PLCB1: variants seen among roughly 807,000 people sequenced by gnomAD.
The protein encoded by PLCB1 is 1-phosphatidylinositol 4,5-bisphosphate phosphodiesterase beta-1.
A neutral mutation model predicts 161.8 loss-of-function variants in PLCB1; 46 were observed. The ratio of observed to expected loss-of-function variants is 0.28; its 90% CI spans 0.22 to 0.36. PLCB1 has a LOEUF of 0.36. Ranked by LOEUF, PLCB1 falls within the 10% of genes least tolerant of loss-of-function variation. PLCB1 has a pLI of 1.00. For missense variants in PLCB1, 1,016 were observed against 1,472.5 expected (o/e 0.69, Z 5.07); for synonymous variants, 517 against 503.7 (o/e 1.03, Z -0.35).
intron 2 of PLCB1, among the ~76,000 whole-genome samples, chr20:8,184,018 G>T (rs1453623480): frequency 6.6e-6 from 1 of 152,136 alleles, no homozygotes; most frequent in Admixed American, 6.5e-5. Context: ...GGGTAATAAT[G>T]ATATGTAATA....
At chr20:8,648,701 A>T (rs1354817615) in intron 6 of PLCB1, among the ~76,000 whole-genome samples, 1 of 152,226 alleles carries the variant, frequency 6.6e-6, no homozygotes, top group South Asian at 2.1e-4. Flanking sequence ...GCACTTTGAA[A>T]GGCCAAGGCA....
intron 2 of PLCB1, among the ~76,000 whole-genome samples, chr20:8,171,180 AAG>A (rs1376251806): frequency 1.3e-5 from 2 of 152,182 alleles, no homozygotes; most frequent in Admixed American, 6.6e-5. Flanking sequence ...AATAACAAGA[AAG>A]AGTATGCTAC....
At position 8,648,388 on chromosome 20, in the gene PLCB1, A is replaced by G. The variant is rs539033670; in HGVS notation, c.518+435A>G. ...GATGAAACAGGTCAGGAGGAGGAGG[A>G]AAAACTAAAGAGCAAACCCTGTCTA... On this transcript the variant is annotated intron_variant, in intron 6 of 31. Transcript: ENST00000338037. Among the ~76,000 whole-genome samples the G allele has an allele frequency of 1.2e-4, 18 of 152,304 alleles. 1 individual carries two copies. The South Asian group carries it at 3.3e-3, about 28-fold the overall frequency.
intron 3 of PLCB1, among the ~76,000 whole-genome samples, chr20:8,455,342 A>AT (rs1332108558): frequency 1.3e-5 from 2 of 151,496 alleles, no homozygotes; most frequent in African/African-American, 4.9e-5. Context: ...AAAAAAAAAA[A>AT]AATACTGGTC....
At chr20:8,791,217 A>G (rs1225188192) in intron 31 of PLCB1, among the ~76,000 whole-genome samples, 1 of 152,126 alleles carries the variant, frequency 6.6e-6, no homozygotes, top group East Asian at 1.9e-4. Flanking sequence ...GGTTGGCAAT[A>G]TAGATTCTCA....
chr20:8,326,621 G>A (rs908593992), intron 2 of PLCB1, among the ~76,000 whole-genome samples: 2 of 152,152 alleles, frequency 1.3e-5, no homozygotes, highest in African/African-American at 2.4e-5. Flanking sequence ...TGAAGTCTCT[G>A]AAGCAACAAA....
intron 4 of PLCB1, among the ~76,000 whole-genome samples, chr20:8,632,166 C>T (rs530732206): frequency 9.7e-5 from 14 of 144,756 alleles, no homozygotes; most frequent in African/African-American, 3.6e-4. Flanking sequence ...TGGCACAGAA[C>T]TCATACTCAT....
chr20:8,143,048 AT>A (rs1283553486), intron 1 of PLCB1, among the ~76,000 whole-genome samples: 2 of 152,196 alleles, frequency 1.3e-5, no homozygotes, highest in Non-Finnish European at 2.9e-5. Flanking sequence ...CAGTGTCTAT[AT>A]GAGTTTCCCC....
rs146274679 is a variant in PLCB1, at chr20:8,706,802, G to A, written c.1168-1868G>A. Among the ~76,000 whole-genome samples, 854 of 152,230 alleles carry A rather than the reference G, an allele frequency of 5.6e-3. 12 individuals carry two copies. Among genetic ancestry groups the A allele is most frequent in the African/African-American group, 0.02 (814 of 41,550 alleles). On this transcript the variant is annotated intron_variant, in intron 11 of 31. Transcript: ENST00000338037. ...AGTCAGTTAATATCTCTGCACCTTA[G>A]TTGAATCAAGAATAGATAACCATCA...
chr20:8,525,913 A>G (rs1333534527), intron 3 of PLCB1, among the ~76,000 whole-genome samples: 1 of 152,166 alleles, frequency 6.6e-6, no homozygotes, highest in Non-Finnish European at 1.5e-5. Context: ...TTGGGATTGA[A>G]AATCAATTTT....
At chr20:8,831,655 A>G in intron 31 of PLCB1, among the ~76,000 whole-genome samples, 1 of 151,844 alleles carries the variant, frequency 6.6e-6, no homozygotes, top group Non-Finnish European at 1.5e-5. Flanking sequence ...TTAGAGACAA[A>G]CTCTCACTCT....
intron 2 of PLCB1, among the ~76,000 whole-genome samples, chr20:8,361,827 T>C (rs1190592953): frequency 1.3e-5 from 2 of 152,212 alleles, no homozygotes; most frequent in African/African-American, 4.8e-5. Flanking sequence ...GGAAACAGCT[T>C]GTTTGCCTGA....
chr20:8,536,715 C>A (rs992260428), intron 3 of PLCB1, among the ~76,000 whole-genome samples: 1 of 152,132 alleles, frequency 6.6e-6, no homozygotes, highest in Non-Finnish European at 1.5e-5. Context: ...AAGAAAGTGC[C>A]AGTCCTCTTA....
intron 3 of PLCB1, among the ~76,000 whole-genome samples, chr20:8,534,542 C>T (rs1408236199): frequency 2.0e-5 from 3 of 152,148 alleles, no homozygotes; most frequent in East Asian, 3.9e-4. Flanking sequence ...TGTTGGAGTC[C>T]CTGCTGAGAG....
intron 2 of PLCB1, among the ~76,000 whole-genome samples, chr20:8,299,904 G>A (rs1983818409): frequency 6.6e-6 from 1 of 152,144 alleles, no homozygotes; most frequent in South Asian, 2.1e-4. Context: ...GCTCCTCAGG[G>A]CGCAGCTATA....
At chr20:8,334,430 A>ATG (rs1275816960) in intron 2 of PLCB1, among the ~76,000 whole-genome samples, 2 of 146,782 alleles carry the variant, frequency 1.4e-5, no homozygotes, top group African/African-American at 4.9e-5. Context: ...GGCATTCATT[A>ATG]TAAATATTCT....
chr20:8,564,199 C>T (rs138089662), intron 3 of PLCB1, among the ~76,000 whole-genome samples: 55 of 150,706 alleles, frequency 3.6e-4, no homozygotes, highest in African/African-American at 1.1e-3. Context: ...CACACATCTA[C>T]ATCTTTGACA....
At chr20:8,211,243 T>C (rs536173021) in intron 2 of PLCB1, among the ~76,000 whole-genome samples, 1 of 152,132 alleles carries the variant, frequency 6.6e-6, no homozygotes, top group Middle Eastern at 3.4e-3. Flanking sequence ...TTTTAAGGGA[T>C]GAGAAGGACA....
chr20:8,241,549 T>G (rs560943363), intron 2 of PLCB1, among the ~76,000 whole-genome samples: 1 of 151,970 alleles, frequency 6.6e-6, no homozygotes, highest in South Asian at 2.1e-4. Flanking sequence ...AGAAGTGCAA[T>G]GAAATATTAA....
Sources: gnomAD v4.1 joint callset for allele counts (sites outside exome capture counted in the v4.1 genomes callset) on GRCh38, gnomAD v4.1.1 for gene constraint, MANE v1.5 for transcripts, NCBI Gene and HGNC (gene_info 2026-07-23, HGNC 2026-07-21) for gene names.